The following RALGPS1 variants were observed in gnomAD, a reference collection of about 807,000 sequenced individuals.
RALGPS1 encodes the protein Ral GEF with PH domain and SH3 binding motif 1.
A neutral mutation model predicts 78.8 loss-of-function variants in RALGPS1; 19 were observed. That is an observed-to-expected ratio of 0.24 (90% CI 0.17 to 0.35). The LOEUF (loss-of-function observed/expected upper bound fraction) is 0.35, where lower values mean the gene tolerates loss of function less well. RALGPS1 is among the 10% of genes least tolerant of loss of function. The pLI is 1.00. For synonymous variants in RALGPS1, 228 were observed against 256.3 expected, an observed-to-expected ratio of 0.89 and a Z score of 1.06; for missense variants, 454 against 688.3, an observed-to-expected ratio of 0.66 and a Z score of 3.81.
At chr9:127,116,673 G>A (rs528325467) in intron 8 of RALGPS1, among the ~76,000 whole-genome samples, 93 of 152,338 alleles carry the variant, frequency 6.1e-4, no homozygotes, top group Non-Finnish European at 1.1e-3. Context: ...CTTGCCTGGG[G>A]CTGCTTTTCT....
intron 8 of RALGPS1, among the ~76,000 whole-genome samples, chr9:127,099,913 A>G (rs1320637530): frequency 2.6e-5 from 4 of 152,250 alleles, no homozygotes; most frequent in African/African-American, 7.2e-5. Flanking sequence ...CCTGGGGCCA[A>G]TGAGTGTTTC....
At chr9:127,127,243 C>T (rs2056681352) in intron 8 of RALGPS1, among the ~76,000 whole-genome samples, 1 of 152,146 alleles carries the variant, frequency 6.6e-6, no homozygotes, top group Admixed American at 6.5e-5. Context: ...TGTGTGTCAC[C>T]GTGAACTGGG....
At chr9:126,967,034 C>G (rs1244062911) in intron 3 of RALGPS1, among the ~76,000 whole-genome samples, 1 of 152,180 alleles carries the variant, frequency 6.6e-6, no homozygotes, top group Non-Finnish European at 1.5e-5. Context: ...CTCCTCTACC[C>G]TCTTTGGTAA....
chr9:126,927,839 T>G (rs559777984), intron 1 of RALGPS1, among the ~76,000 whole-genome samples: 1 of 152,282 alleles, frequency 6.6e-6, no homozygotes, highest in African/African-American at 2.4e-5. Flanking sequence ...CGGAACAGTT[T>G]GAGTCTGAGA....
chr9:126,978,655 A>G (rs2040922834), intron 4 of RALGPS1, among the ~76,000 whole-genome samples: 1 of 152,000 alleles, frequency 6.6e-6, no homozygotes, highest in Non-Finnish European at 1.5e-5. Flanking sequence ...AATTTATTAC[A>G]AGGATAAAGG....
At chr9:127,178,001 C>T in intron 11 of RALGPS1, 4 of 1,536,888 alleles carry the variant, frequency 2.6e-6, no homozygotes, top group Admixed American at 2.0e-5. Context: ...CTTTAATGAA[C>T]AGAACCAATA....
intron 4 of RALGPS1, among the ~76,000 whole-genome samples, chr9:126,987,497 G>T (rs2041912534): frequency 1.3e-5 from 2 of 152,162 alleles, no homozygotes; most frequent in African/African-American, 4.8e-5. Context: ...TCTGTGCTCT[G>T]CCAGAGCATC....
intron 14 of RALGPS1, among the ~76,000 whole-genome samples, chr9:127,208,526 C>T (rs555379745): frequency 1.6e-4 from 25 of 152,318 alleles, no homozygotes; most frequent in African/African-American, 5.5e-4. Flanking sequence ...CATCACTGAG[C>T]CTCAGTTTCC....
rs188734427 is a variant in RALGPS1, at chr9:127,091,250, C to A, written c.610+21894C>A. Among the ~76,000 whole-genome samples, 1 of 152,332 alleles carries A rather than the reference C, an allele frequency of 6.6e-6. No individual in the cohort carries two copies. The highest frequency in any genetic ancestry group is 1.9e-4 in the East Asian group (1 of 5,170). ...GGAGATTTAGCAGTATGCCCAAGGACACATGGCTGGTAGGAGGTGGGGCCA... is the reference window on the plus strand; with the variant it reads ...GGAGATTTAGCAGTATGCCCAAGGAAACATGGCTGGTAGGAGGTGGGGCCA... On this transcript the variant is annotated intron_variant, in intron 8 of 18. Coordinates refer to ENST00000259351, the MANE Select transcript of RALGPS1 (RefSeq NM_014636.3). The surrounding 1 kb of genome is among the most constrained non-coding windows in gnomAD (Gnocchi z 4.3).
rs1028577228 is a variant in RALGPS1, at chr9:127,050,280, T to C, written c.390+148T>C. On this transcript the variant is annotated intron_variant, in intron 6 of 18. Coordinates refer to ENST00000259351, the MANE Select transcript of RALGPS1 (RefSeq NM_014636.3). ...ACAGGGTGCTGTGGCTTGACTTCCC[T>C]AGGCAGAGCCAGCTGTTAGACCTGC... is the stretch of plus-strand genomic sequence containing the variant. 16 of 700,006 alleles carry C rather than the reference T, an allele frequency of 2.3e-5. No individual in the cohort carries two copies. In the East Asian group the frequency reaches 4.1e-4, roughly 18 times the overall value. The allele number at this position is 700,006 out of a possible 1,614,324, so 43.4% of individuals were successfully genotyped here.
intron 8 of RALGPS1, among the ~76,000 whole-genome samples, chr9:127,078,723 G>A (rs184252269): frequency 1.6e-4 from 25 of 152,348 alleles, no homozygotes; most frequent in Admixed American, 1.5e-3. Flanking sequence ...CCTGCAAAAC[G>A]AGGTATGAGC....
At chr9:126,942,970 T>C (rs1008099636) in intron 1 of RALGPS1, among the ~76,000 whole-genome samples, 7 of 152,218 alleles carry the variant, frequency 4.6e-5, no homozygotes, top group African/African-American at 1.4e-4. Context: ...TTACGCTTTC[T>C]AGCTGGCTAT....
rs1259610828 is a variant in RALGPS1 at position 127,222,560 on chromosome 9, C to T, written c.*3791C>T. 6.6e-6 allele frequency: 1 copy of T among 152,360 alleles called. No individual in the cohort carries two copies. The highest frequency in any genetic ancestry group is 1.5e-5 in the Non-Finnish European group (1 of 68,048). The allele number at this position is 152,360 out of a possible 1,614,324, so 9.4% of individuals were successfully genotyped here. ...ACTTGTACCATGGACTTCAGACCGC[C>T]TTGCAGCCGTATGCTGCACAAGCGT... On this transcript the variant is annotated 3_prime_UTR_variant, in exon 19 of 19. Coordinates refer to ENST00000259351, the MANE Select transcript of RALGPS1 (RefSeq NM_014636.3).
intron 11 of RALGPS1, among the ~76,000 whole-genome samples, chr9:127,185,429 G>A (rs1247190319): frequency 2.0e-5 from 3 of 152,184 alleles, no homozygotes; most frequent in Non-Finnish European, 2.9e-5. Flanking sequence ...CACGTGCACC[G>A]TGCTCAGGGC....
At chr9:126,951,875 A>C (rs1256581752) in intron 1 of RALGPS1, among the ~76,000 whole-genome samples, 2 of 152,178 alleles carry the variant, frequency 1.3e-5, no homozygotes, top group Non-Finnish European at 2.9e-5. Context: ...AGAGGAAGTC[A>C]AATTGTCCCT....
intron 10 of RALGPS1, among the ~76,000 whole-genome samples, chr9:127,173,831 G>A (rs532814576): frequency 4.9e-4 from 75 of 152,222 alleles, no homozygotes; most frequent in Middle Eastern, 3.4e-3. Flanking sequence ...TGGGCAACAC[G>A]GTGAAACCCC....
At chr9:127,029,653 GAGTT>G (rs2046251264) in intron 4 of RALGPS1, among the ~76,000 whole-genome samples, 1 of 152,246 alleles carries the variant, frequency 6.6e-6, no homozygotes, top group Non-Finnish European at 1.5e-5. Flanking sequence ...ACTGCAGTGA[GAGTT>G]AGGCACACGT....
At chr9:127,182,712 A>G (rs1271796988) in intron 11 of RALGPS1, among the ~76,000 whole-genome samples, 1 of 152,044 alleles carries the variant, frequency 6.6e-6, no homozygotes, top group Non-Finnish European at 1.5e-5. Context: ...TACAGGCGTG[A>G]GTCACCATGC....
intron 4 of RALGPS1, among the ~76,000 whole-genome samples, chr9:127,024,709 A>G (rs1035245847): frequency 1.9e-4 from 29 of 152,088 alleles, no homozygotes; most frequent in African/African-American, 7.0e-4. Flanking sequence ...CTTTTAATCC[A>G]TTGATTGCTT....
Sources: gnomAD v4.1 joint callset for allele counts (sites outside exome capture counted in the v4.1 genomes callset) on GRCh38, gnomAD v4.1.1 for gene constraint, Gnocchi (gnomAD v3.1) non-coding constraint, MANE v1.5 for transcripts, NCBI Gene and HGNC (gene_info 2026-07-23, HGNC 2026-07-21) for gene names.